The following PIEZO1 variants were observed in gnomAD, a reference collection of about 807,000 sequenced individuals.
PIEZO1 encodes the protein piezo-type mechanosensitive ion channel component 1.
In PIEZO1, 296 loss-of-function variants were observed where a neutral mutation model predicts 297.2. That is an observed-to-expected ratio of 1.00 (90% CI 0.91 to 1.10). The LOEUF is 1.10. PIEZO1 is among the 50% of genes least tolerant of loss of function. PIEZO1 has a pLI of 0.00. For synonymous variants in PIEZO1, 2,427 were observed against 1,507.5 expected (o/e 1.61, Z -14.13); for missense variants, 5,018 against 3,455.5 (o/e 1.45, Z -11.34).
At chr16:88,754,293 G>A (rs1256383966) in intron 1 of PIEZO1, among the ~76,000 whole-genome samples, 1 of 152,188 alleles carries the variant, frequency 6.6e-6, no homozygotes, top group African/African-American at 2.4e-5. Flanking sequence ...TTCAGTGGGT[G>A]CTGGCCAGGA....
Position 88,720,526 on chromosome 16 carries a change from C to G in PIEZO1, c.5808G>C (p.Gln1936His). 2 of 1,549,972 alleles carry G rather than the reference C, an allele frequency of 1.3e-6. No individual in the cohort carries two copies. Among genetic ancestry groups the G allele is most frequent in the Non-Finnish European group, 1.7e-6 (2 of 1,146,918 alleles). Residue 1936 changes from glutamine (Q) to histidine (H), a missense_variant, in exon 41 of 51, where the codon CAG becomes CAC. Physicochemically the swap from Gln to His is conservative, Grantham distance 24. Coordinates refer to ENST00000301015, the MANE Select transcript of PIEZO1 (RefSeq NM_001142864.4). ...AGCGCCGTAGCGGCCGATATGTGCC[C>G]TGGGCCCTGCGGAAGGGGGCGCTCA... ...RLQGFCLSLA[Q>H]GTYRPLRRFF...
chr16:88,736,455 G>A (rs909696631), intron 11 of PIEZO1, 47 bp from the exon 12 acceptor site: 1 of 1,468,976 alleles, frequency 6.8e-7, no homozygotes. Context: ...ACCCCACCCA[G>A]GCGATGCCCC....
intron 1 of PIEZO1, 77 bp downstream of exon 1, chr16:88,784,824 G>T (rs1455088618): frequency 7.4e-6 from 8 of 1,081,642 alleles, no homozygotes; most frequent in East Asian, 7.2e-5. Flanking sequence ...CCCGGCCGGC[G>T]TCGTCCGGTG....
intron 12 of PIEZO1, among the ~76,000 whole-genome samples, chr16:88,735,675 T>C (rs550918226): frequency 1.3e-5 from 2 of 152,380 alleles, no homozygotes; most frequent in African/African-American, 4.8e-5. Flanking sequence ...CAAACAGGTG[T>C]CCAGACACGA....
intron 1 of PIEZO1, among the ~76,000 whole-genome samples, chr16:88,773,265 G>T (rs1485386198): frequency 6.6e-6 from 1 of 152,268 alleles, no homozygotes; most frequent in African/African-American, 2.4e-5. Flanking sequence ...GGAGGCCTGA[G>T]TCAGGACAGC....
chr16:88,736,890 T>TGGGC (rs1415104083), intron 10 of PIEZO1, 151 bp from the exon 11 acceptor site: 1 of 533,232 alleles, frequency 1.9e-6, no homozygotes, highest in African/African-American at 2.0e-5. Flanking sequence ...CTCCGGCAAT[T>TGGGC]GGGCTGACAC....
intron 1 of PIEZO1, among the ~76,000 whole-genome samples, chr16:88,765,959 C>G (rs1322422685): frequency 6.6e-6 from 1 of 152,100 alleles, no homozygotes; most frequent in African/African-American, 2.4e-5. Flanking sequence ...CAGGTGTGAG[C>G]ACTGCACCCG....
At chr16:88,732,012 G>A (rs934705023) in intron 21 of PIEZO1, 102 bp from the exon 22 acceptor site, 3 of 29,498 alleles carry the variant, frequency 1.0e-4, no homozygotes, top group African/African-American at 2.1e-4. Context: ...GCCCTGCCTG[G>A]AGGCTGCGGG....
At chr16:88,743,499 T>G (rs1242167317) in intron 2 of PIEZO1, 1 of 454,414 alleles carries the variant, frequency 2.2e-6, no homozygotes, top group Non-Finnish European at 4.4e-6. Flanking sequence ...AGGTAGCATC[T>G]GGGTCTGGGT....
intron 23 of PIEZO1, 35 bp downstream of exon 23, chr16:88,727,522 C>T (rs1904540293): frequency 2.5e-6 from 2 of 802,196 alleles, no homozygotes; most frequent in Non-Finnish European, 2.0e-6. Context: ...CTCTGAGGGT[C>T]CTCTGCAGAG....
chr16:88,732,785 C>T (rs1053898674), intron 19 of PIEZO1, 53 bp from the exon 20 acceptor site: 6 of 1,482,816 alleles, frequency 4.0e-6, no homozygotes, highest in African/African-American at 1.4e-5. Context: ...TGCCCCCTGG[C>T]CCTGCCCGGA....
At position 88,735,159 on chromosome 16, in the gene PIEZO1, T is replaced by G; in HGVS notation, c.1645A>C (p.Thr549Pro). Residue 549 changes from threonine to proline, a missense_variant, in exon 13 of 51, where the codon ACG becomes CCG. Physicochemically the swap from Thr to Pro is conservative, Grantham distance 38. Coordinates refer to ENST00000301015, the MANE Select transcript of PIEZO1 (RefSeq NM_001142864.4). ...CCTGTGTCTGCCACGGTGACCTCCG[T>G]CAGCGCAGCTGGAGACTCTGCCCAC... is the stretch of plus-strand genomic sequence containing the variant. ...LKWAESPAALTEVTVADTEPT... is the reference protein window; with the variant it reads ...LKWAESPAALPEVTVADTEPT... 1.3e-6 allele frequency: 2 copies of G among 1,550,324 alleles called. No individual in the cohort carries two copies. Among genetic ancestry groups the G allele is most frequent in the Non-Finnish European group, 8.7e-7 (1 of 1,146,888 alleles).
rs930423753 is a variant in PIEZO1 at position 88,725,079 on chromosome 16, C to T, written c.4164G>A (p.Gly1388=). 3.3e-6 allele frequency: 5 copies of T among 1,510,968 alleles called. No homozygotes were observed. Among genetic ancestry groups the T allele is most frequent in the Middle Eastern group, 1.8e-4 (1 of 5,668 alleles). The allele number at this position is 1,510,968 out of a possible 1,614,324, so 93.6% of individuals were successfully genotyped here. A position where few individuals can be genotyped will look rare whatever the true frequency, so the allele number is the denominator to read the frequency against. The change falls in exon 30 of 51, where the codon GGG becomes GGA. Residue 1388 remains glycine (G), a splice_region_variant and synonymous_variant. Transcript: ENST00000301015. ...LGPKDPGLEP[G]PDSPGGSSPP... Reference sequence around the variant, plus strand: ...GGGAGGAGCCCCCTGGACTGTCGGGCCCTGTGGAGGGGCAGGGTGAGCATG... The same window carrying T: ...GGGAGGAGCCCCCTGGACTGTCGGGTCCTGTGGAGGGGCAGGGTGAGCATG...
rs771489068 is a variant in PIEZO1 at position 88,727,819 on chromosome 16, C to G, written c.3197-158G>C. The G allele has an allele frequency of 2.3e-3, 996 of 437,022 alleles. 3 individuals are homozygous for G. The highest frequency in any genetic ancestry group is 3.4e-3 in the Non-Finnish European group (836 of 245,256). 27.1% of individuals were successfully genotyped at this position (437,022 alleles called of 1,614,324 possible). ...CTCGAGAACTGACAGCTCTAGTGTC[C>G]TGTGTGTTCACACACACAGATTCCT... On this transcript the variant is annotated intron_variant, in intron 22 of 50. Transcript: ENST00000301015.
chr16:88,749,561 C>A, intron 1 of PIEZO1, 82 bp from the exon 2 acceptor site: 1 of 1,045,948 alleles, frequency 9.6e-7, no homozygotes, highest in Non-Finnish European at 1.4e-6. Context: ...CACGGCCCAG[C>A]TCGTCACACC....
chr16:88,735,694 C>A (rs1408428188), intron 12 of PIEZO1, among the ~76,000 whole-genome samples: 1 of 152,266 alleles, frequency 6.6e-6, no homozygotes, highest in Non-Finnish European at 1.5e-5. Context: ...GATGCTGGCA[C>A]CCGTTTCACA....
rs1276106123 is a variant in PIEZO1, at chr16:88,767,657, G to T, written c.64+17244C>A. Among the ~76,000 whole-genome samples, 14 of 152,168 alleles carry T rather than the reference G, an allele frequency of 9.2e-5. 1 individual carries two copies. Among genetic ancestry groups the T allele is most frequent in the Non-Finnish European group, 1.5e-5 (1 of 68,022 alleles). On this transcript the variant is annotated intron_variant, in intron 1 of 50. Transcript: ENST00000301015. ...TCATCCTCAGCCACCTAGGAAGGCG[G>T]AGTCACTGCTGTCCCCTGGCTCAGA...
intron 12 of PIEZO1, among the ~76,000 whole-genome samples, 185 bp from the exon 13 acceptor site, chr16:88,735,431 GCA>G (rs1040227439): frequency 4.6e-5 from 7 of 152,374 alleles, no homozygotes; most frequent in Non-Finnish European, 7.3e-5. Flanking sequence ...AGGCACACGA[GCA>G]CACACTCTCA....
chr16:88,758,230 C>T (rs889413419), intron 1 of PIEZO1, among the ~76,000 whole-genome samples: 1 of 152,172 alleles, frequency 6.6e-6, no homozygotes, highest in African/African-American at 2.4e-5. Flanking sequence ...TCCTTGTGCA[C>T]CGAGACCAAC....
Sources: gnomAD v4.1 joint callset for allele counts (sites outside exome capture counted in the v4.1 genomes callset) on GRCh38, gnomAD v4.1.1 for gene constraint, MANE v1.5 for transcripts, NCBI Gene and HGNC (gene_info 2026-07-23, HGNC 2026-07-21) for gene names.